PRDM5: variants seen among roughly 807,000 people sequenced by gnomAD.
The protein encoded by PRDM5 is PR/SET domain 5.
Under a neutral mutation model 81.2 loss-of-function variants are expected in PRDM5, and 56 were observed. That is an observed-to-expected ratio of 0.69 (90% CI 0.56 to 0.86). The LOEUF is 0.86. Ranked by LOEUF, PRDM5 falls within the 40% of genes least tolerant of loss-of-function variation. PRDM5 has a pLI of 0.00. For synonymous variants in PRDM5, 267 were observed against 256.4 expected (o/e 1.04, Z -0.39); for missense variants, 697 against 770.1 (o/e 0.91, Z 1.12).
chr4:120,839,285 G>A, intron 3 of PRDM5: 1 of 703,078 alleles, frequency 1.4e-6, no homozygotes, highest in African/African-American at 1.7e-5. Context: ...CTGTGACCAG[G>A]AAAAATGAGG....
At chr4:120,817,928 T>C (rs1754756734) in intron 5 of PRDM5, among the ~76,000 whole-genome samples, 1 of 152,226 alleles carries the variant, frequency 6.6e-6, no homozygotes, top group Non-Finnish European at 1.5e-5. Context: ...AGGAATTCTT[T>C]ATACTTTGAA....
At chr4:120,912,966 T>C (rs1766688699) in intron 1 of PRDM5, among the ~76,000 whole-genome samples, 3 of 152,210 alleles carry the variant, frequency 2.0e-5, no homozygotes, top group Admixed American at 1.3e-4. Flanking sequence ...AGACCTTCAA[T>C]AGTGTATTAA....
Position 120,692,545 on chromosome 4 carries a change from A to G in PRDM5, c.*2566T>C, listed in dbSNP as rs959194764. On this transcript the variant is annotated 3_prime_UTR_variant, in exon 16 of 16. Coordinates refer to ENST00000264808, the MANE Select transcript of PRDM5 (RefSeq NM_018699.4). ...AAACAAAAGCCAGTTATTGTGAAACAAAGGCAAATTAAAGATACACAAACA... is the reference window on the plus strand; with the variant it reads ...AAACAAAAGCCAGTTATTGTGAAACGAAGGCAAATTAAAGATACACAAACA... The G allele has an allele frequency of 2.6e-5, 4 of 152,190 alleles. No homozygotes were observed. The highest frequency in any genetic ancestry group is 2.0e-4 in the Admixed American group (3 of 15,250). The allele number at this position is 152,190 out of a possible 1,614,324, so 9.4% of individuals were successfully genotyped here.
intron 14 of PRDM5, among the ~76,000 whole-genome samples, chr4:120,713,681 C>G (rs1048916525): frequency 1.3e-5 from 2 of 152,128 alleles, no homozygotes; most frequent in African/African-American, 4.8e-5. Flanking sequence ...CTGAATAATA[C>G]AGGTACTGTA....
At chr4:120,808,783 A>C (rs1165011775) in intron 8 of PRDM5, among the ~76,000 whole-genome samples, 1 of 152,170 alleles carries the variant, frequency 6.6e-6, no homozygotes, top group Non-Finnish European at 1.5e-5. Flanking sequence ...CCCTGTGAGA[A>C]ATTGAGCACA....
At chr4:120,801,342 G>C (rs1489870968) in intron 8 of PRDM5, among the ~76,000 whole-genome samples, 1 of 152,156 alleles carries the variant, frequency 6.6e-6, no homozygotes, top group Admixed American at 6.5e-5. Flanking sequence ...TGATCTAAAT[G>C]GCCATAGAAG....
intron 3 of PRDM5, chr4:120,839,300 C>T (rs1292956179): frequency 1.8e-5 from 13 of 702,906 alleles, no homozygotes; most frequent in South Asian, 1.8e-4. Context: ...ATGAGGTATA[C>T]AAACAAGTAG....
chr4:120,900,100 T>C (rs576683748), intron 2 of PRDM5, among the ~76,000 whole-genome samples: 1 of 152,312 alleles, frequency 6.6e-6, no homozygotes, highest in East Asian at 1.9e-4. Context: ...GAAATCTCCA[T>C]GTGTTCAGTT....
intron 3 of PRDM5, among the ~76,000 whole-genome samples, chr4:120,830,357 C>T (rs1351460746): frequency 3.3e-5 from 5 of 151,978 alleles, no homozygotes; most frequent in African/African-American, 1.2e-4. Context: ...TTTTGGCCGC[C>T]GCTCTCTTTC....
chr4:120,836,209 T>A (rs1409029582), intron 3 of PRDM5, among the ~76,000 whole-genome samples: 1 of 152,166 alleles, frequency 6.6e-6, no homozygotes. Context: ...GGGATATTTC[T>A]CTATTTTAGG....
At chr4:120,806,237 T>C (rs985633495) in intron 8 of PRDM5, among the ~76,000 whole-genome samples, 2 of 152,162 alleles carry the variant, frequency 1.3e-5, no homozygotes, top group African/African-American at 2.4e-5. Flanking sequence ...TGCTCACGGA[T>C]AGGAAGAATC....
intron 11 of PRDM5, among the ~76,000 whole-genome samples, chr4:120,783,930 T>C (rs905033550): frequency 6.6e-6 from 1 of 152,156 alleles, no homozygotes; most frequent in Non-Finnish European, 1.5e-5. Context: ...ATACTGCCTC[T>C]GTATAACCAA....
chr4:120,905,168 G>A (rs978521821), intron 2 of PRDM5, among the ~76,000 whole-genome samples: 2 of 152,158 alleles, frequency 1.3e-5, no homozygotes, highest in African/African-American at 2.4e-5. Context: ...AAATTATAGT[G>A]AGGACTATAT....
At chr4:120,912,948 A>G (rs1766686693) in intron 1 of PRDM5, among the ~76,000 whole-genome samples, 1 of 152,222 alleles carries the variant, frequency 6.6e-6, no homozygotes, top group African/African-American at 2.4e-5. Context: ...TGCCTTTGCA[A>G]TATAATTAGA....
At chr4:120,733,188 G>T (rs1477574655) in intron 14 of PRDM5, among the ~76,000 whole-genome samples, 1 of 152,128 alleles carries the variant, frequency 6.6e-6, no homozygotes, top group Non-Finnish European at 1.5e-5. Context: ...TAGTCTTATT[G>T]TTCATTTTAT....
At chr4:120,908,248 CT>C (rs1766063954) in intron 1 of PRDM5, among the ~76,000 whole-genome samples, 5 of 152,330 alleles carry the variant, frequency 3.3e-5, no homozygotes, top group Middle Eastern at 6.8e-3. Flanking sequence ...AAGTAACACT[CT>C]TTTCTCTCTA....
chr4:120,691,909 C>T (rs1301342766), downstream of PRDM5: 1 of 151,576 alleles, frequency 6.6e-6, no homozygotes, highest in Non-Finnish European at 1.5e-5. Flanking sequence ...ATGCTAACAC[C>T]AAGTCTGGTA....
At chr4:120,820,972 C>A (rs1351440458) in intron 4 of PRDM5, among the ~76,000 whole-genome samples, 199 bp downstream of exon 4, 1 of 152,220 alleles carries the variant, frequency 6.6e-6, no homozygotes, top group Non-Finnish European at 1.5e-5. Context: ...TAGGGTACAT[C>A]CATCACCCAC....
At chr4:120,791,286 G>A (rs775977875) in intron 10 of PRDM5, among the ~76,000 whole-genome samples, 5 of 152,168 alleles carry the variant, frequency 3.3e-5, no homozygotes, top group African/African-American at 4.8e-5. Context: ...CAAAAAAAAT[G>A]AGTAGATTTA....
Sources: allele counts gnomAD v4.1 joint callset (sites outside exome capture counted in the v4.1 genomes callset), GRCh38; gene constraint gnomAD v4.1.1; transcripts MANE v1.5; gene names NCBI Gene and HGNC (gene_info 2026-07-23, HGNC 2026-07-21).